Variants in TMEM44 observed in about 807,000 individuals in gnomAD.
TMEM44 encodes transmembrane protein 44.
TMEM44 carries 43 observed loss-of-function variants against 47.8 expected under a neutral mutation model. The ratio of observed to expected loss-of-function variants is 0.90; its 90% CI spans 0.70 to 1.16. TMEM44 has a LOEUF of 1.16. Among genes scored for constraint, TMEM44 ranks in the 50% most tolerant of loss-of-function variants. TMEM44 has a pLI of 0.00. For synonymous variants in TMEM44, 277 were observed against 238.8 expected (o/e 1.16, Z -1.48); for missense variants, 568 against 555.2 (o/e 1.02, Z -0.23).
At chr3:194,625,193 C>T (rs752141613) in intron 3 of TMEM44, among the ~76,000 whole-genome samples, 16 of 152,198 alleles carry the variant, frequency 1.1e-4, no homozygotes, top group Non-Finnish European at 2.1e-4. Context: ...TGTGAAGCTT[C>T]GCTTGACCAC....
intron 9 of TMEM44, among the ~76,000 whole-genome samples, chr3:194,600,216 C>T (rs1713920564): frequency 6.6e-6 from 1 of 152,182 alleles, no homozygotes; most frequent in African/African-American, 2.4e-5. Context: ...CTCAGTCTCC[C>T]AAGTAGCTGG....
At chr3:194,617,843 C>T (rs1716109741) in intron 5 of TMEM44, 3 of 673,440 alleles carry the variant, frequency 4.5e-6, no homozygotes, top group Non-Finnish European at 8.1e-6. Context: ...ACCCTGGGTG[C>T]TGTCCTCACG....
At position 194,611,374 on chromosome 3, in the gene TMEM44, G is replaced by A. The variant is rs1715306765; in HGVS notation, c.913-354C>T. On this transcript the variant is annotated intron_variant, in intron 7 of 9. Transcript: ENST00000347147. This position sits in a 1 kb window ranked among gnomAD's most constrained non-coding sequence, Gnocchi z 4.2. ...CCCACCTCGGCCTCCCAAAGTGCTG[G>A]GATGACAGGCGTGAGCCACCACACC... Among the ~76,000 whole-genome samples, 1 of 152,084 alleles carries A rather than the reference G, an allele frequency of 6.6e-6. No individual in the cohort carries two copies. The highest frequency in any genetic ancestry group is 1.5e-5 in the Non-Finnish European group (1 of 68,026).
intron 9 of TMEM44, among the ~76,000 whole-genome samples, chr3:194,602,713 G>A (rs569154049): frequency 7.9e-5 from 12 of 152,298 alleles, no homozygotes; most frequent in Admixed American, 2.0e-4. Flanking sequence ...AGAAGAGTCC[G>A]TGGCCAGGTA....
chr3:194,628,806 C>G (rs1316998566), intron 1 of TMEM44, among the ~76,000 whole-genome samples: 1 of 152,102 alleles, frequency 6.6e-6, no homozygotes, highest in Non-Finnish European at 1.5e-5. Flanking sequence ...TTGATGACCC[C>G]CCACCTAGCA....
At chr3:194,616,448 G>T (rs1057105399) in intron 6 of TMEM44, 16 of 398,084 alleles carry the variant, frequency 4.0e-5, no homozygotes, top group Middle Eastern at 3.6e-4. Flanking sequence ...AACAGCTGGG[G>T]TCCCTATAAG....
intron 7 of TMEM44, among the ~76,000 whole-genome samples, chr3:194,613,897 C>T (rs983213672): frequency 2.6e-5 from 4 of 151,558 alleles, no homozygotes; most frequent in Admixed American, 6.6e-5. Context: ...CCGAGGTGGG[C>T]GGATCATCTG....
In TMEM44 at chr3:194,610,921, G is replaced by A. The variant is rs1453692275; in HGVS notation, c.1012C>T (p.Gln338Ter). ...CATGACCGATGGCCACTCACCTGCT[G>A]CACAGGCTCGATGGTCAGCTCCATG... ...RYMELTIEPV[Q>*]QAGCSATRLP... is the part of the protein sequence containing the mutation. The change falls in exon 8 of 10, where the codon CAG (glutamine) becomes TAG (stop). Residue 338 changes from glutamine (Q) to a stop codon, truncating the protein, a stop_gained. Coordinates refer to ENST00000347147, the MANE Select transcript of TMEM44 (RefSeq NM_001011655.3). LOFTEE classifies it high-confidence loss of function. 2 of 1,612,964 alleles carry A rather than the reference G, an allele frequency of 1.2e-6. No homozygotes were observed. Among genetic ancestry groups the A allele is most frequent in the Non-Finnish European group, 8.5e-7 (1 of 1,179,666 alleles).
intron 6 of TMEM44, chr3:194,616,566 G>C: frequency 2.2e-6 from 1 of 456,814 alleles, no homozygotes; most frequent in Non-Finnish European, 4.4e-6. Context: ...GCCACTAGCA[G>C]CTCCTGCAGC....
chr3:194,610,540 T>C (rs1715207666), intron 8 of TMEM44, among the ~76,000 whole-genome samples: 1 of 152,060 alleles, frequency 6.6e-6, no homozygotes, highest in Admixed American at 6.5e-5. Context: ...AGAAAACCCT[T>C]ATTTCCCACA....
At chr3:194,622,946 A>T (rs1184911195) in intron 5 of TMEM44, 1 of 349,148 alleles carries the variant, frequency 2.9e-6, no homozygotes, top group East Asian at 7.2e-5. Flanking sequence ...CTTCTTCCTC[A>T]GAGCCTGCTT....
chr3:194,615,876 C>T (rs150424982), intron 6 of TMEM44, among the ~76,000 whole-genome samples, 179 bp from the exon 7 acceptor site: 1 of 152,258 alleles, frequency 6.6e-6, no homozygotes, highest in Non-Finnish European at 1.5e-5. Context: ...GTGGATGTTC[C>T]TGTCCTCACG....
At chr3:194,624,769 T>C (rs111950477) in intron 3 of TMEM44, among the ~76,000 whole-genome samples, 4 of 151,870 alleles carry the variant, frequency 2.6e-5, no homozygotes, top group African/African-American at 7.2e-5. Flanking sequence ...GTTGCCCACG[T>C]TGGAGTGCAG....
intron 9 of TMEM44, among the ~76,000 whole-genome samples, chr3:194,603,524 A>C (rs1714397917): frequency 6.6e-6 from 1 of 152,020 alleles, no homozygotes; most frequent in Non-Finnish European, 1.5e-5. Context: ...CAGCCTCCCA[A>C]GTAGCTGGGA....
intron 9 of TMEM44, among the ~76,000 whole-genome samples, chr3:194,594,191 G>A (rs966451785): frequency 2.8e-5 from 3 of 108,020 alleles, no homozygotes; most frequent in Non-Finnish European, 7.0e-5. Flanking sequence ...GTATGATGGA[G>A]TTTCACTCTT....
Position 194,632,804 on chromosome 3 carries a change from C to A in TMEM44, c.137+275G>T, listed in dbSNP as rs1191869841. 3 of 444,944 alleles carry A rather than the reference C, an allele frequency of 6.7e-6. No homozygotes were observed. The Admixed American group carries it at 1.2e-4, about 18-fold the overall frequency. 27.6% of individuals were successfully genotyped at this position (444,944 alleles called of 1,614,324 possible). A position where few individuals can be genotyped will look rare whatever the true frequency, so the allele number is the denominator to read the frequency against. ...CACACTGCGAGTCAATGGCGAAGGG[C>A]TGACAATAGCACCCAGGGCTCGCGG... On this transcript the variant is annotated intron_variant, in intron 1 of 9. Transcript: ENST00000347147.
Position 194,588,295 on chromosome 3 carries a change from T to C in TMEM44, c.*234A>G. ...TTACGAAGCAAAAGCTTCTGTGAAC[T>C]GTGATCTTCAGAACGAATGCTGGGC... On this transcript the variant is annotated 3_prime_UTR_variant, in exon 10 of 10. Coordinates refer to ENST00000347147, the MANE Select transcript of TMEM44 (RefSeq NM_001011655.3). The C allele has an allele frequency of 2.0e-6, 1 of 497,222 alleles. No individual in the cohort carries two copies. Among genetic ancestry groups the C allele is most frequent in the East Asian group, 3.4e-5 (1 of 29,770 alleles). 30.8% of individuals were successfully genotyped at this position (497,222 alleles called of 1,614,324 possible).
At chr3:194,622,558 T>G (rs917745018) in intron 5 of TMEM44, 3 of 151,482 alleles carry the variant, frequency 2.0e-5, no homozygotes, top group Admixed American at 2.0e-4. Context: ...TTTTTTTTTT[T>G]TTTTTTTTTA....
chr3:194,600,315 G>T (rs1177465315), intron 9 of TMEM44, among the ~76,000 whole-genome samples: 1 of 151,514 alleles, frequency 6.6e-6, no homozygotes, highest in East Asian at 2.0e-4. Flanking sequence ...TAGAGACAGG[G>T]TTTCACCATG....
Sources: gnomAD v4.1 joint callset for allele counts (sites outside exome capture counted in the v4.1 genomes callset) on GRCh38, gnomAD v4.1.1 for gene constraint, Gnocchi (gnomAD v3.1) non-coding constraint, MANE v1.5 for transcripts, NCBI Gene and HGNC (gene_info 2026-07-23, HGNC 2026-07-21) for gene names.